The following DNAH7 variants were observed in gnomAD, a reference collection of about 807,000 sequenced individuals.
DNAH7 encodes the protein dynein axonemal heavy chain 7, also known as axonemal beta dynein heavy chain 7.
DNAH7 carries 397 observed loss-of-function variants against 444.6 expected under a neutral mutation model. The ratio of observed to expected loss-of-function variants is 0.89; its 90% CI spans 0.82 to 0.97. DNAH7 has a LOEUF of 0.97. Ranked by LOEUF, DNAH7 falls within the 50% of genes least tolerant of loss-of-function variation. The probability of loss-of-function intolerance (pLI) is 0.00; values close to 1 mark genes in which losing one functional copy is unlikely to be tolerated. For missense variants in DNAH7, 4,902 were observed against 4,800.8 expected, an observed-to-expected ratio of 1.02 and a Z score of -0.62; for synonymous variants, 1,636 against 1,624.4, an observed-to-expected ratio of 1.01 and a Z score of -0.17.
intron 26 of DNAH7, 23 bp from the exon 27 acceptor site, chr2:195,906,809 T>C: frequency 6.2e-7 from 1 of 1,612,642 alleles, no homozygotes; most frequent in Non-Finnish European, 8.5e-7. Flanking sequence ...AGGAATGAAA[T>C]GACTTAGTAA....
chr2:195,990,775 TTGTGTGTGTGTGTGTGTG>T (rs140976714), intron 12 of DNAH7, among the ~76,000 whole-genome samples: 6 of 132,946 alleles, frequency 4.5e-5, no homozygotes, highest in South Asian at 4.8e-4. Context: ...TATAGCTTTG[TTGTGTGTGTGTGTGTGTG>T]TGTGTGTGTG....
At chr2:195,950,460 T>A (rs923493342) in intron 19 of DNAH7, among the ~76,000 whole-genome samples, 1 of 152,060 alleles carries the variant, frequency 6.6e-6, no homozygotes, top group African/African-American at 2.4e-5. Context: ...TGATATCCCC[T>A]TTATCATTTT....
At position 195,857,687 on chromosome 2, in the gene DNAH7, CAGG is replaced by C; in HGVS notation, c.8101_8103del (p.Pro2701del). ...GCTTCCATAACAAGCTTGACACCAG[CAGG>C]AGGACTCTTCATGGATTTTACCACT... On this transcript the variant is annotated inframe_deletion, in exon 44 of 65. Transcript: ENST00000312428. The C allele has an allele frequency of 6.2e-7, 1 of 1,611,096 alleles. No individual in the cohort carries two copies. Among genetic ancestry groups the C allele is most frequent in the Non-Finnish European group, 8.5e-7 (1 of 1,178,860 alleles).
intron 14 of DNAH7, 81 bp downstream of exon 14, chr2:195,986,985 T>C (rs1692952639): frequency 2.4e-6 from 3 of 1,256,858 alleles, no homozygotes; most frequent in Non-Finnish European, 3.2e-6. Context: ...ATTGCTTTAA[T>C]CAATTACTCT....
chr2:196,068,802 GC>G lies in DNAH7; in HGVS notation c.-92del. The G allele has an allele frequency of 6.7e-7, 1 of 1,503,430 alleles. No individual in the cohort carries two copies. The highest frequency in any genetic ancestry group is 9.0e-7 in the Non-Finnish European group (1 of 1,112,190). 93.1% of individuals were successfully genotyped at this position (1,503,430 alleles called of 1,614,324 possible). A position where few individuals can be genotyped will look rare whatever the true frequency, so the allele number is the denominator to read the frequency against. On this transcript the variant is annotated 5_prime_UTR_variant, in exon 1 of 65. Transcript: ENST00000312428. ...CGATAGAGGCAGGGCCCCGGGACTT[GC>G]AGCGGTCTCAGCTCCCTCCGCACCA... is the stretch of plus-strand genomic sequence containing the variant.
chr2:195,972,621 C>T (rs1691923496), intron 15 of DNAH7, among the ~76,000 whole-genome samples, 155 bp from the exon 16 acceptor site: 1 of 152,002 alleles, frequency 6.6e-6, no homozygotes, highest in Admixed American at 6.6e-5. Flanking sequence ...CCTTCTCATC[C>T]CTCCCAAACA....
At position 195,792,394 on chromosome 2, in the gene DNAH7, T is replaced by TACACACACAC. The variant is rs59046004; in HGVS notation, c.10716+1934_10716+1943dup. Among the ~76,000 whole-genome samples, 735 of 117,294 alleles carry TACACACACAC rather than the reference T, an allele frequency of 6.3e-3. 4 individuals are homozygous for TACACACACAC. Among genetic ancestry groups the TACACACACAC allele is most frequent in the East Asian group, 0.016 (64 of 3,996 alleles). The allele number at this position is 117,294 out of a possible 152,430, so 76.9% of individuals were successfully genotyped here. Reference sequence around the variant, plus strand: ...TTGAAAGTACAAAAAAACCAAAAAATACACACACACACACACACACACACA... The same window carrying TACACACACAC: ...TTGAAAGTACAAAAAAACCAAAAAATACACACACACACACACACACACACACACACACACA... On this transcript the variant is annotated intron_variant, in intron 57 of 64. Coordinates refer to ENST00000312428, the MANE Select transcript of DNAH7 (RefSeq NM_018897.3).
chr2:195,936,894 G>T, intron 19 of DNAH7, 102 bp from the exon 20 acceptor site: 2 of 1,008,612 alleles, frequency 2.0e-6, no homozygotes, highest in Non-Finnish European at 1.4e-6. Context: ...TCAAACAAAG[G>T]TTATGTAAAT....
At chr2:196,029,910 T>C (rs1279999360) in intron 5 of DNAH7, among the ~76,000 whole-genome samples, 1 of 152,150 alleles carries the variant, frequency 6.6e-6, no homozygotes, top group African/African-American at 2.4e-5. Flanking sequence ...TTCAAGATGG[T>C]GGCATGAGCA....
chr2:195,927,707 T>C (rs1412082985), intron 21 of DNAH7, among the ~76,000 whole-genome samples: 1 of 151,488 alleles, frequency 6.6e-6, no homozygotes, highest in Non-Finnish European at 1.5e-5. Flanking sequence ...TCCACAATAT[T>C]ATATGTAAAG....
chr2:195,763,477 C>T (rs1024637126), intron 61 of DNAH7, among the ~76,000 whole-genome samples: 1 of 151,768 alleles, frequency 6.6e-6, no homozygotes, highest in African/African-American at 2.4e-5. Flanking sequence ...AACAAACCTT[C>T]AGCCAAACTA....
At chr2:195,941,723 C>A (rs1322566743) in intron 19 of DNAH7, among the ~76,000 whole-genome samples, 1 of 151,968 alleles carries the variant, frequency 6.6e-6, no homozygotes, top group African/African-American at 2.4e-5. Flanking sequence ...CTCATTAAAC[C>A]TTTTGCACTT....
intron 51 of DNAH7, among the ~76,000 whole-genome samples, chr2:195,810,716 T>C (rs1696929732): frequency 6.6e-6 from 1 of 152,038 alleles, no homozygotes; most frequent in African/African-American, 2.4e-5. Context: ...TTACAACAAA[T>C]TGATGTATCT....
chr2:195,956,822 T>A (rs999262149), intron 19 of DNAH7, among the ~76,000 whole-genome samples: 2 of 152,192 alleles, frequency 1.3e-5, no homozygotes, highest in Non-Finnish European at 2.9e-5. Context: ...TTTAGATATA[T>A]TTATCCTTGC....
chr2:195,813,842 C>A (rs1423285099), intron 51 of DNAH7, among the ~76,000 whole-genome samples: 1 of 152,128 alleles, frequency 6.6e-6, no homozygotes, highest in Non-Finnish European at 1.5e-5. Flanking sequence ...TTATACTTCC[C>A]CAACAATAGA....
At chr2:196,046,264 A>T (rs180996123) in intron 5 of DNAH7, among the ~76,000 whole-genome samples, 15 of 152,158 alleles carry the variant, frequency 9.9e-5, no homozygotes, top group African/African-American at 3.4e-4. Context: ...CCATATGGGG[A>T]AGAAGATGAT....
chr2:195,750,949 G>T (rs1263077645), intron 63 of DNAH7, among the ~76,000 whole-genome samples: 2 of 152,082 alleles, frequency 1.3e-5, no homozygotes, highest in Non-Finnish European at 1.5e-5. Context: ...AATTTTATGA[G>T]GGCAGGGGCT....
intron 48 of DNAH7, among the ~76,000 whole-genome samples, chr2:195,826,574 T>G (rs1194774915): frequency 6.6e-6 from 1 of 152,222 alleles, no homozygotes. Flanking sequence ...ATTTGATAGA[T>G]AAAAAATACT....
intron 19 of DNAH7, among the ~76,000 whole-genome samples, chr2:195,948,460 A>G (rs1280688295): frequency 6.6e-6 from 1 of 152,074 alleles, no homozygotes; most frequent in African/African-American, 2.4e-5. Flanking sequence ...TCTTGAGTTA[A>G]TTTTTGTATA....
Sources: gnomAD v4.1 joint callset for allele counts (sites outside exome capture counted in the v4.1 genomes callset) on GRCh38, gnomAD v4.1.1 for gene constraint, MANE v1.5 for transcripts, NCBI Gene and HGNC (gene_info 2026-07-23, HGNC 2026-07-21) for gene names.